SCFD2: variants seen among roughly 807,000 people sequenced by gnomAD.
SCFD2 encodes sec1 family domain containing 2, also known as sec1 family domain-containing protein 2.
A neutral mutation model predicts 58.9 loss-of-function variants in SCFD2; 54 were observed. The observed-to-expected ratio is 0.92, with a 90% CI of 0.74 to 1.15. The LOEUF (loss-of-function observed/expected upper bound fraction) is 1.15, where lower values mean the gene tolerates loss of function less well. Among genes scored for constraint, SCFD2 ranks in the 50% most tolerant of loss-of-function variants. The pLI is 0.00. For synonymous variants in SCFD2, 321 were observed against 335.9 expected (o/e 0.96, Z 0.49); for missense variants, 805 against 836.6 (o/e 0.96, Z 0.47).
intron 5 of SCFD2, among the ~76,000 whole-genome samples, chr4:52,974,371 C>T (rs1721194894): frequency 6.6e-6 from 1 of 152,068 alleles, no homozygotes; most frequent in Admixed American, 6.5e-5. Flanking sequence ...TCTTATACAC[C>T]AATAACAGAC....
At chr4:52,912,051 C>A (rs927882788) in intron 6 of SCFD2, among the ~76,000 whole-genome samples, 2 of 151,102 alleles carry the variant, frequency 1.3e-5, no homozygotes, top group African/African-American at 4.9e-5. Context: ...CTTTTTTTTT[C>A]AAGCTCAAAG....
chr4:53,100,767 T>A (rs891595702), intron 5 of SCFD2, among the ~76,000 whole-genome samples: 18 of 152,158 alleles, frequency 1.2e-4, no homozygotes, highest in African/African-American at 4.1e-4. Flanking sequence ...GTCCCAAAAA[T>A]TTGCTTTCTT....
chr4:53,226,309 G>A (rs115904754), intron 4 of SCFD2, among the ~76,000 whole-genome samples: 404 of 152,010 alleles, frequency 2.7e-3, no homozygotes, highest in African/African-American at 9.3e-3. Context: ...TTTATGGGGG[G>A]GAGGGGACTA....
intron 6 of SCFD2, among the ~76,000 whole-genome samples, chr4:52,909,691 A>AAAT (rs1297738165): frequency 6.6e-6 from 1 of 152,200 alleles, no homozygotes; most frequent in East Asian, 1.9e-4. Flanking sequence ...AAAAATTAAT[A>AAAT]AATTATTTAT....
chr4:52,993,422 T>C (rs1431350498), intron 5 of SCFD2, among the ~76,000 whole-genome samples: 1 of 152,046 alleles, frequency 6.6e-6, no homozygotes, highest in Non-Finnish European at 1.5e-5. Flanking sequence ...ATAAAAAAAG[T>C]ATGTTTTTTA....
At chr4:53,210,621 T>G (rs1560386903) in intron 4 of SCFD2, among the ~76,000 whole-genome samples, 3 of 152,094 alleles carry the variant, frequency 2.0e-5, no homozygotes, top group African/African-American at 7.3e-5. Flanking sequence ...AACATATTAT[T>G]TATGTTATCA....
intron 2 of SCFD2, among the ~76,000 whole-genome samples, chr4:53,330,876 G>A (rs1275648197): frequency 2.6e-5 from 4 of 151,778 alleles, no homozygotes; most frequent in Admixed American, 2.0e-4. Flanking sequence ...ACACACACAG[G>A]CTCAAAATAA....
At chr4:53,223,062 A>C (rs1420936920) in intron 4 of SCFD2, among the ~76,000 whole-genome samples, 1 of 152,234 alleles carries the variant, frequency 6.6e-6, no homozygotes, top group African/African-American at 2.4e-5. Context: ...CTCAACAGGC[A>C]GGAGCACCCA....
At chr4:53,288,035 T>C (rs557249614) in intron 3 of SCFD2, among the ~76,000 whole-genome samples, 10 of 151,734 alleles carry the variant, frequency 6.6e-5, no homozygotes, top group Admixed American at 1.3e-4. Flanking sequence ...AGCCCAGGAG[T>C]TCCACGCCAG....
chr4:53,126,621 C>A (rs542421195), intron 5 of SCFD2, among the ~76,000 whole-genome samples: 3 of 152,284 alleles, frequency 2.0e-5, no homozygotes, highest in African/African-American at 7.2e-5. Flanking sequence ...CATCCTCACA[C>A]CGGTTTTTAA....
intron 3 of SCFD2, among the ~76,000 whole-genome samples, chr4:53,287,602 AAG>A (rs1237680627): frequency 6.6e-6 from 1 of 152,094 alleles, no homozygotes; most frequent in East Asian, 1.9e-4. Flanking sequence ...CTCCCTACAA[AAG>A]CCACTCTATA....
chr4:53,001,884 G>A (rs1455956317), intron 5 of SCFD2, among the ~76,000 whole-genome samples: 1 of 152,212 alleles, frequency 6.6e-6, no homozygotes, highest in South Asian at 2.1e-4. Context: ...CTGAGGGTTT[G>A]AGAGTTTACA....
At chr4:53,179,478 TC>T (rs1727466199) in intron 4 of SCFD2, among the ~76,000 whole-genome samples, 1 of 152,034 alleles carries the variant, frequency 6.6e-6, no homozygotes, top group Non-Finnish European at 1.5e-5. Context: ...ACCAGGCCAG[TC>T]CTAAAAGAGC....
intron 5 of SCFD2, among the ~76,000 whole-genome samples, chr4:52,932,929 G>A (rs1037582562): frequency 1.1e-4 from 17 of 152,202 alleles, no homozygotes; most frequent in African/African-American, 4.1e-4. Flanking sequence ...TTAGTGTGTA[G>A]GTTAGGCATG....
intron 4 of SCFD2, among the ~76,000 whole-genome samples, chr4:53,183,227 C>G (rs1422324681): frequency 6.6e-6 from 1 of 152,090 alleles, no homozygotes; most frequent in Non-Finnish European, 1.5e-5. Flanking sequence ...GCACTATTCA[C>G]AATAGGAAAG....
chr4:52,886,955 C>T (rs906656436), intron 7 of SCFD2, among the ~76,000 whole-genome samples: 25 of 152,196 alleles, frequency 1.6e-4, no homozygotes, highest in African/African-American at 6.0e-4. Flanking sequence ...ATATTTCCTT[C>T]AAAGCATCTA....
rs184374829 is a variant in SCFD2 at position 53,345,565 on chromosome 4, A to T, written c.1007+7033T>A. ...GATTCCTCAAGGATCTAGGAGTAGA[A>T]ATACCATTTGACCCAGCAATCCCAT... On this transcript the variant is annotated intron_variant, in intron 2 of 8. Coordinates refer to ENST00000401642, the MANE Select transcript of SCFD2 (RefSeq NM_152540.4). Among the ~76,000 whole-genome samples the T allele has an allele frequency of 2.6e-5, 4 of 152,340 alleles. No homozygotes were observed. In the East Asian group the frequency reaches 7.7e-4, roughly 29 times the overall value.
chr4:53,065,684 T>C (rs1483821047), intron 5 of SCFD2, among the ~76,000 whole-genome samples: 1 of 152,024 alleles, frequency 6.6e-6, no homozygotes, highest in African/African-American at 2.4e-5. Flanking sequence ...AAATGATAAT[T>C]TTTTTCCCAT....
Position 52,923,515 on chromosome 4 carries a change from A to AATAAATAG in SCFD2, c.1562-2646_1562-2645insCTATTTAT, listed in dbSNP as rs1457389314. Reference sequence around the variant, plus strand: ...AAATAAATAAATAAATAAATAAATAAATGTGTGGTCAAGCTCAGTGAGAAA... The same window carrying AATAAATAG: ...AAATAAATAAATAAATAAATAAATAAATAAATAGATGTGTGGTCAAGCTCAGTGAGAAA... On this transcript the variant is annotated intron_variant, in intron 5 of 8. Transcript: ENST00000401642. 1.8e-3 allele frequency among the ~76,000 whole-genome samples: 277 copies of AATAAATAG among 150,312 alleles called. 1 individual carries two copies. Among genetic ancestry groups the AATAAATAG allele is most frequent in the African/African-American group, 6.6e-3 (263 of 40,136 alleles).
Sources: gnomAD v4.1 joint callset for allele counts (sites outside exome capture counted in the v4.1 genomes callset) on GRCh38, gnomAD v4.1.1 for gene constraint, MANE v1.5 for transcripts, NCBI Gene and HGNC (gene_info 2026-07-23, HGNC 2026-07-21) for gene names.